Variants in TET2 observed in about 807,000 individuals in gnomAD.
TET2 encodes tet methylcytosine dioxygenase 2, also known as methylcytosine dioxygenase TET2.
Under a neutral mutation model 142.9 loss-of-function variants are expected in TET2, and 299 were observed. That is an observed-to-expected ratio of 2.09 (90% CI 1.90 to 2.30). TET2 has a LOEUF of 2.30. Among genes scored for constraint, TET2 ranks in the 30% most tolerant of loss-of-function variants. TET2 has a pLI of 0.00. For synonymous variants in TET2, 819 were observed against 849.0 expected (o/e 0.96, Z 0.61); for missense variants, 2,418 against 2,378.0 (o/e 1.02, Z -0.35).
chr4:105,239,072 T>TTGTTTTTTTG (rs142771063), intron 3 of TET2: 16,651 of 157,340 alleles, frequency 0.11, 1,104 homozygotes, highest in African/African-American at 0.37. Context: ...GTTTTGTTTT[T>TTGTTTTTTTG]TGTTTTTTTT....
chr4:105,245,506 T>C (rs1235534476), intron 6 of TET2, among the ~76,000 whole-genome samples: 1 of 152,020 alleles, frequency 6.6e-6, no homozygotes, highest in East Asian at 1.9e-4. Flanking sequence ...AATTTTGTAT[T>C]TTTAGTAGAG....
At chr4:105,175,767 A>T (rs1474837562) in intron 1 of TET2, among the ~76,000 whole-genome samples, 1 of 152,176 alleles carries the variant, frequency 6.6e-6, no homozygotes, top group Non-Finnish European at 1.5e-5. Flanking sequence ...ACTCATGGGC[A>T]TATTATATTC....
rs1294861179 is a variant in TET2 at position 105,276,643 on chromosome 4, ACCT to A, written c.*126_*128del. 2.6e-5 allele frequency: 28 copies of A among 1,089,858 alleles called. No homozygotes were observed. Among genetic ancestry groups the A allele is most frequent in the Non-Finnish European group, 3.5e-5 (27 of 781,998 alleles). The allele number at this position is 1,089,858 out of a possible 1,614,324, so 67.5% of individuals were successfully genotyped here. A position where few individuals can be genotyped will look rare whatever the true frequency, so the allele number is the denominator to read the frequency against. ...ATTCATGACAAATGTGGTGGGAAAAACCTCAGCTCACCAGCAACAAAAGAGGTT... is the reference window on the plus strand; with the variant it reads ...ATTCATGACAAATGTGGTGGGAAAAACAGCTCACCAGCAACAAAAGAGGTT... On this transcript the variant is annotated 3_prime_UTR_variant, in exon 11 of 11. Coordinates refer to ENST00000380013, the MANE Select transcript of TET2 (RefSeq NM_001127208.3).
intron 8 of TET2, 131 bp downstream of exon 8, chr4:105,261,979 T>A: frequency 1.6e-6 from 1 of 621,988 alleles, no homozygotes; most frequent in Non-Finnish European, 2.8e-6. Context: ...TTGAAACCAC[T>A]GCAGTGTTCA....
intron 2 of TET2, among the ~76,000 whole-genome samples, chr4:105,203,029 G>T: frequency 6.6e-6 from 1 of 152,168 alleles, no homozygotes; most frequent in East Asian, 1.9e-4. Flanking sequence ...GGAGTACTTG[G>T]ATTTGTCTCT....
chr4:105,163,831 G>GAT (rs1188983372), intron 1 of TET2, among the ~76,000 whole-genome samples: 2 of 148,814 alleles, frequency 1.3e-5, no homozygotes, highest in Non-Finnish European at 3.0e-5. Flanking sequence ...GAGAGAGAGA[G>GAT]AGAGAGAGAG....
chr4:105,198,295 C>T (rs765849997), intron 2 of TET2, among the ~76,000 whole-genome samples: 18 of 152,218 alleles, frequency 1.2e-4, no homozygotes, highest in African/African-American at 2.9e-4. Context: ...GAGATCGTGC[C>T]GTTGCACTCC....
At chr4:105,220,236 A>G (rs1382493998) in intron 2 of TET2, among the ~76,000 whole-genome samples, 1 of 152,136 alleles carries the variant, frequency 6.6e-6, no homozygotes, top group African/African-American at 2.4e-5. Flanking sequence ...TAATGGTTCT[A>G]TTGGAAAAAT....
At chr4:105,263,226 T>C (rs1468635338) in intron 8 of TET2, among the ~76,000 whole-genome samples, 4 of 152,224 alleles carry the variant, frequency 2.6e-5, no homozygotes, top group Non-Finnish European at 5.9e-5. Context: ...CTTTGAACTT[T>C]ATTCTGTAGG....
At chr4:105,225,148 A>G (rs1728105222) in intron 2 of TET2, among the ~76,000 whole-genome samples, 1 of 150,642 alleles carries the variant, frequency 6.6e-6, no homozygotes, top group African/African-American at 2.5e-5. Context: ...TGGTAAACCT[A>G]TGAAGAAATC....
At position 105,235,487 on chromosome 4, in the gene TET2, C is replaced by CGTTA. The variant is rs1728807005; in HGVS notation, c.1545_1546insGTTA (p.Pro516ValfsTer7). 1 of 1,614,018 alleles carries CGTTA rather than the reference C, an allele frequency of 6.2e-7. No homozygotes were observed. The stretch of plus-strand genomic sequence containing the variant: ...CAATGTCAGAACACCTCAAGCATAA[C>CGTTA]CCACCAATTTTTGGTAGCAGTGGAG... On this transcript the variant is annotated frameshift_variant, in exon 3 of 11. Coordinates refer to ENST00000380013, the MANE Select transcript of TET2 (RefSeq NM_001127208.3). LOFTEE classifies it high-confidence loss of function.
chr4:105,233,700 A>G (rs747469339), intron 2 of TET2, among the ~76,000 whole-genome samples, 197 bp from the exon 3 acceptor site: 1 of 152,218 alleles, frequency 6.6e-6, no homozygotes, highest in Non-Finnish European at 1.5e-5. Context: ...TAGAGTTGCT[A>G]TGAAGACAAG....
chr4:105,174,860 C>G (rs1249818005), intron 1 of TET2, among the ~76,000 whole-genome samples: 1 of 152,186 alleles, frequency 6.6e-6, no homozygotes, highest in Admixed American at 6.5e-5. Context: ...AGAGCCTAAA[C>G]TTTTGGGATT....
intron 2 of TET2, among the ~76,000 whole-genome samples, chr4:105,202,798 T>G (rs1054120627): frequency 1.3e-5 from 2 of 152,234 alleles, no homozygotes; most frequent in Non-Finnish European, 2.9e-5. Flanking sequence ...TTCCATAGTT[T>G]TGTAATAGAA....
At chr4:105,250,155 T>C (rs943026468) in intron 6 of TET2, among the ~76,000 whole-genome samples, 6 of 152,176 alleles carry the variant, frequency 3.9e-5, no homozygotes, top group Admixed American at 3.9e-4. Flanking sequence ...AAAGACTGTT[T>C]TTTTTCAATT....
At chr4:105,178,198 A>T (rs1379708632) in intron 1 of TET2, 1 of 152,206 alleles carries the variant, frequency 6.6e-6, no homozygotes, top group Non-Finnish European at 1.5e-5. Context: ...TGCAATCAAG[A>T]TATCCTTTAA....
At chr4:105,195,794 A>G (rs940003655) in intron 2 of TET2, among the ~76,000 whole-genome samples, 3 of 152,158 alleles carry the variant, frequency 2.0e-5, no homozygotes, top group African/African-American at 4.8e-5. Flanking sequence ...GGGGCTGACT[A>G]TAATGTTGTC....
chr4:105,164,958 G>A (rs930345582), intron 1 of TET2, among the ~76,000 whole-genome samples: 3 of 152,110 alleles, frequency 2.0e-5, no homozygotes, highest in African/African-American at 4.8e-5. Flanking sequence ...TTTGTCCATA[G>A]AAATATTAAA....
Position 105,225,128 on chromosome 4 carries a change from G to A in TET2, c.-46-8769G>A, listed in dbSNP as rs539887022. Among the ~76,000 whole-genome samples, 118 of 150,948 alleles carry A rather than the reference G, an allele frequency of 7.8e-4. 1 individual carries two copies. In the South Asian group the frequency reaches 0.019, roughly 24 times the overall value. ...TCATTCTTAAAGTTTAATTCACTTT[G>A]TTGCCTTTTTGGTAAACCTATGAAG... On this transcript the variant is annotated intron_variant, in intron 2 of 10. Transcript: ENST00000380013.
Sources: gnomAD v4.1 joint callset for allele counts (sites outside exome capture counted in the v4.1 genomes callset) on GRCh38, gnomAD v4.1.1 for gene constraint, MANE v1.5 for transcripts, NCBI Gene and HGNC (gene_info 2026-07-23, HGNC 2026-07-21) for gene names.